Variants in MACROD2 observed in about 807,000 individuals in gnomAD.
MACROD2 encodes ADP-ribose glycohydrolase MACROD2.
A neutral mutation model predicts 70.4 loss-of-function variants in MACROD2; 36 were observed. That is an observed-to-expected ratio of 0.51 (90% CI 0.39 to 0.68). The LOEUF is 0.68. Among genes scored for constraint, MACROD2 ranks in the 30% least tolerant of loss-of-function variants. The pLI, the probability that MACROD2 is intolerant of heterozygous loss-of-function variation, is 0.00. For missense variants in MACROD2, 496 were observed against 538.4 expected (o/e 0.92, Z 0.78); for synonymous variants, 172 against 178.8 (o/e 0.96, Z 0.30).
At chr20:14,876,079 C>T (rs1195141811) in intron 5 of MACROD2, among the ~76,000 whole-genome samples, 1 of 152,142 alleles carries the variant, frequency 6.6e-6, no homozygotes, top group African/African-American at 2.4e-5. Context: ...ATCTAATTTA[C>T]ACTCCCACCA....
At chr20:14,511,567 C>CT in intron 4 of MACROD2, among the ~76,000 whole-genome samples, 1 of 148,002 alleles carries the variant, frequency 6.8e-6, no homozygotes, top group South Asian at 2.1e-4. Context: ...TAAAATATTT[C>CT]TTTTCCATAG....
rs140411408 is a variant in MACROD2, at chr20:14,122,095, T to C, written c.271+36367T>C. Among the ~76,000 whole-genome samples, 409 of 152,334 alleles carry C rather than the reference T, an allele frequency of 2.7e-3. 8 individuals carry two copies. Among genetic ancestry groups the C allele is most frequent in the Admixed American group, 0.025 (379 of 15,298 alleles). ...TTTTGGATAATACAGTCCTATGTTG[T>C]TGGTGAAGGTTCTAAACCTGCTAGT... On this transcript the variant is annotated intron_variant, in intron 3 of 17. Transcript: ENST00000684519.
chr20:15,685,160 G>A (rs2050210096), intron 8 of MACROD2, among the ~76,000 whole-genome samples: 2 of 152,072 alleles, frequency 1.3e-5, no homozygotes, highest in African/African-American at 4.8e-5. Flanking sequence ...TCTGCATCGA[G>A]TGAAATACCC....
chr20:15,156,782 T>A (rs940881495), intron 5 of MACROD2, among the ~76,000 whole-genome samples: 3 of 152,184 alleles, frequency 2.0e-5, no homozygotes, highest in African/African-American at 7.2e-5. Context: ...TTCTCATTCC[T>A]TCCTCTTAGC....
chr20:15,571,817 C>T (rs766769264), intron 8 of MACROD2, among the ~76,000 whole-genome samples: 7 of 152,086 alleles, frequency 4.6e-5, no homozygotes, highest in African/African-American at 1.2e-4. Context: ...GGGGGAAATA[C>T]GATGCTTTAC....
At chr20:15,989,092 G>A (rs986963988) in intron 15 of MACROD2, among the ~76,000 whole-genome samples, 6 of 152,092 alleles carry the variant, frequency 3.9e-5, no homozygotes, top group Non-Finnish European at 7.4e-5. Flanking sequence ...AATTTAATAA[G>A]TAAAACGTGC....
At chr20:14,204,963 T>A (rs2081510960) in intron 3 of MACROD2, among the ~76,000 whole-genome samples, 1 of 152,112 alleles carries the variant, frequency 6.6e-6, no homozygotes, top group South Asian at 2.1e-4. Flanking sequence ...AGAGAGGAAT[T>A]TCTTCAAGAA....
chr20:15,986,643 A>T, intron 13 of MACROD2, 84 bp from the exon 14 acceptor site: 1 of 1,043,448 alleles, frequency 9.6e-7, no homozygotes, highest in Non-Finnish European at 1.4e-6. Context: ...ATGCATGATT[A>T]AAGCACGGTT....
intron 5 of MACROD2, among the ~76,000 whole-genome samples, chr20:15,090,405 C>T (rs767684822): frequency 5.9e-5 from 9 of 152,034 alleles, no homozygotes; most frequent in Non-Finnish European, 1.2e-4. Flanking sequence ...CAGCCCAATG[C>T]ACTGAAATAT....
intron 17 of MACROD2, among the ~76,000 whole-genome samples, chr20:16,044,957 T>A (rs1601375702): frequency 6.6e-6 from 1 of 152,260 alleles, no homozygotes; most frequent in East Asian, 1.9e-4. Flanking sequence ...TTTCAGAAAC[T>A]CCAAGCTGAT....
At chr20:14,731,669 C>A (rs1473143037) in intron 5 of MACROD2, among the ~76,000 whole-genome samples, 1 of 152,076 alleles carries the variant, frequency 6.6e-6, no homozygotes, top group Non-Finnish European at 1.5e-5. Flanking sequence ...CCCCCGGGCC[C>A]TTTCGTCCAG....
chr20:15,210,440 T>C (rs1420488121), intron 5 of MACROD2, among the ~76,000 whole-genome samples: 2 of 152,134 alleles, frequency 1.3e-5, no homozygotes, highest in Non-Finnish European at 2.9e-5. Context: ...GCACAGTCAA[T>C]ATCAAATAAT....
At chr20:14,581,690 T>C (rs551458144) in intron 4 of MACROD2, among the ~76,000 whole-genome samples, 41 of 152,318 alleles carry the variant, frequency 2.7e-4, no homozygotes, top group Admixed American at 2.2e-3. Context: ...TTAGACATCT[T>C]TTATGCTTTA....
chr20:15,309,599 TA>T (rs1395868018), intron 6 of MACROD2, among the ~76,000 whole-genome samples: 1 of 152,216 alleles, frequency 6.6e-6, no homozygotes, highest in Non-Finnish European at 1.5e-5. Flanking sequence ...TGACTTGATT[TA>T]AAAAATACTT....
chr20:15,599,247 C>T (rs1464123127), intron 8 of MACROD2, among the ~76,000 whole-genome samples: 1 of 151,892 alleles, frequency 6.6e-6, no homozygotes, highest in Non-Finnish European at 1.5e-5. Flanking sequence ...AGAAAATTAG[C>T]CGGGCATGGT....
chr20:15,443,761 T>C (rs887936267), intron 7 of MACROD2, among the ~76,000 whole-genome samples: 1 of 152,082 alleles, frequency 6.6e-6, no homozygotes, highest in African/African-American at 2.4e-5. Context: ...GGCTAAAAAA[T>C]ACATAAGCAG....
chr20:14,099,988 C>T (rs905920880), intron 3 of MACROD2, among the ~76,000 whole-genome samples: 3 of 152,012 alleles, frequency 2.0e-5, no homozygotes, highest in South Asian at 2.1e-4. Flanking sequence ...ATGTTATGGT[C>T]ATATGGCCAA....
At chr20:14,418,974 G>A (rs1333102927) in intron 3 of MACROD2, among the ~76,000 whole-genome samples, 3 of 151,794 alleles carry the variant, frequency 2.0e-5, no homozygotes, top group East Asian at 1.9e-4. Context: ...ATATTGTCAC[G>A]TCTTCCTAGA....
chr20:15,279,158 T>A (rs2077420805), intron 6 of MACROD2, among the ~76,000 whole-genome samples: 2 of 152,344 alleles, frequency 1.3e-5, no homozygotes, highest in South Asian at 4.1e-4. Flanking sequence ...TTTTCTTCTG[T>A]GTTGTTAATG....
Sources: allele counts gnomAD v4.1 joint callset (sites outside exome capture counted in the v4.1 genomes callset), GRCh38; gene constraint gnomAD v4.1.1; transcripts MANE v1.5; gene names NCBI Gene and HGNC (gene_info 2026-07-23, HGNC 2026-07-21).